CASK: variants seen among roughly 807,000 people sequenced by gnomAD.
CASK encodes peripheral plasma membrane protein CASK.
A neutral mutation model predicts 82.9 loss-of-function variants in CASK; 4 were observed. The observed-to-expected ratio is 0.05, with a 90% CI of 0.02 to 0.11. CASK has a LOEUF of 0.11. Among genes scored for constraint, CASK ranks in the 10% least tolerant of loss-of-function variants. The pLI is 1.00. For synonymous variants in CASK, 259 were observed against 253.5 expected (o/e 1.02, Z -0.20); for missense variants, 358 against 720.9 (o/e 0.50, Z 5.76).
Position 41,728,034 on chromosome X carries a change from T to C in CASK, c.429+11350A>G, listed in dbSNP as rs766739154. Reference sequence around the variant, plus strand: ...ATTCAGCACATATGCAATCATATGGTTGACTTTTGAATGGAAAACCCCACA... The same window carrying C: ...ATTCAGCACATATGCAATCATATGGCTGACTTTTGAATGGAAAACCCCACA... On this transcript the variant is annotated intron_variant, in intron 5 of 26. Transcript: ENST00000378163. The C allele has an allele frequency of 1.1e-5, 12 of 1,072,778 alleles. No individual in the cohort carries two copies. The East Asian group carries it at 3.5e-4, about 31-fold the overall frequency. The allele number at this position is 1,072,778 out of a possible 1,213,427, so 88.4% of individuals were successfully genotyped here.
At chrX:41,550,300 C>T (rs1032792714) in intron 21 of CASK, among the ~76,000 whole-genome samples, 1 of 111,781 alleles carries the variant, frequency 8.9e-6, no homozygotes, top group East Asian at 2.8e-4. Context: ...TTTTGCCTGG[C>T]TTCTTTCACT....
Position 41,569,751 on chromosome X carries a change from TA to T in CASK, c.1504-6del, listed in dbSNP as rs749321162. On this transcript the variant is annotated splice_polypyrimidine_tract_variant and splice_region_variant and intron_variant, in intron 15 of 26. Transcript: ENST00000378163. The stretch of plus-strand genomic sequence containing the variant: ...ATTCATTTTTAAAGTGATTCCCTGT[TA>T]AAAAAAAAATAAAAAGTTCAGCAAA... 1.9e-3 allele frequency: 1,837 copies of T among 983,595 alleles called. No individual in the cohort carries two copies. The highest frequency in any genetic ancestry group is 3.3e-3 in the Middle Eastern group (12 of 3,686). 81.1% of individuals were successfully genotyped at this position (983,595 alleles called of 1,213,427 possible). A position where few individuals can be genotyped will look rare whatever the true frequency, so the allele number is the denominator to read the frequency against.
intron 3 of CASK, among the ~76,000 whole-genome samples, chrX:41,749,051 G>A (rs1459200154): frequency 2.2e-4 from 24 of 111,219 alleles, no homozygotes; most frequent in Non-Finnish European, 5.7e-5. Flanking sequence ...TTGGGAGGCC[G>A]AGGCGGGCGG....
intron 3 of CASK, among the ~76,000 whole-genome samples, chrX:41,745,881 T>C (rs1398379221): frequency 9.0e-6 from 1 of 111,657 alleles, no homozygotes; most frequent in Non-Finnish European, 1.9e-5. Context: ...CTTTAGGTTT[T>C]CACAAAAAGA....
chrX:41,613,401 G>A (rs1249924696), intron 11 of CASK, among the ~76,000 whole-genome samples: 1 of 97,914 alleles, frequency 1.0e-5, no homozygotes, highest in African/African-American at 3.8e-5. Flanking sequence ...GGCGGTGCAA[G>A]ATGTGCTTTG....
At chrX:41,907,105 C>T (rs1388073724) in intron 1 of CASK, among the ~76,000 whole-genome samples, 1 of 112,322 alleles carries the variant, frequency 8.9e-6, no homozygotes, top group African/African-American at 3.2e-5. Context: ...CATTTCTAGT[C>T]TCAAACTCAC....
intron 1 of CASK, among the ~76,000 whole-genome samples, chrX:41,910,001 C>G (rs1486402863): frequency 8.9e-6 from 1 of 111,799 alleles, no homozygotes; most frequent in African/African-American, 3.2e-5. Context: ...GCAGGCAGAT[C>G]ACCTGAGCTC....
intron 1 of CASK, among the ~76,000 whole-genome samples, chrX:41,862,011 G>GTATGTATACATACA: frequency 9.6e-6 from 1 of 104,282 alleles, no homozygotes; most frequent in South Asian, 4.0e-4. Context: ...GTATACATAC[G>GTATGTATACATACA]TTATATATAA....
intron 15 of CASK, among the ~76,000 whole-genome samples, chrX:41,573,200 C>T (rs768659585): frequency 3.5e-4 from 36 of 104,289 alleles, no homozygotes; most frequent in African/African-American, 1.1e-3. Context: ...CCTCTGTCTC[C>T]CAATTTCTTT....
intron 1 of CASK, among the ~76,000 whole-genome samples, chrX:41,903,452 A>C (rs1382270381): frequency 2.7e-5 from 3 of 112,186 alleles, no homozygotes; most frequent in African/African-American, 9.7e-5. Context: ...TTATGTACCT[A>C]GGTTAGAAAT....
intron 2 of CASK, among the ~76,000 whole-genome samples, chrX:41,813,706 C>A (rs1354031480): frequency 9.0e-6 from 1 of 111,581 alleles, no homozygotes. Flanking sequence ...TCCAAAACAC[C>A]AAAAGCCATG....
At chrX:41,915,368 T>C (rs1386709303) in intron 1 of CASK, among the ~76,000 whole-genome samples, 2 of 112,539 alleles carry the variant, frequency 1.8e-5, no homozygotes, top group Non-Finnish European at 3.7e-5. Context: ...GATACATTGA[T>C]GGATATGACA....
intron 2 of CASK, among the ~76,000 whole-genome samples, chrX:41,818,835 C>T (rs189333612): frequency 3.4e-4 from 37 of 108,268 alleles, no homozygotes; most frequent in Non-Finnish European, 6.7e-4. Flanking sequence ...AAAGACAAGA[C>T]CAAAAAAAAA....
intron 3 of CASK, among the ~76,000 whole-genome samples, chrX:41,768,453 T>C (rs777519533): frequency 5.4e-4 from 60 of 110,984 alleles, no homozygotes; most frequent in African/African-American, 1.9e-3. Flanking sequence ...TATGTGTGCG[T>C]GTGTGTACAT....
At chrX:41,659,614 T>C (rs1398333692) in intron 8 of CASK, among the ~76,000 whole-genome samples, 1 of 111,823 alleles carries the variant, frequency 8.9e-6, no homozygotes, top group Non-Finnish European at 1.9e-5. Flanking sequence ...CTGTATAATG[T>C]TTTAATCAAA....
chrX:41,596,947 T>C (rs941154951), intron 12 of CASK, among the ~76,000 whole-genome samples: 1 of 112,586 alleles, frequency 8.9e-6, no homozygotes, highest in African/African-American at 3.2e-5. Context: ...TTGGTAGTGA[T>C]ATTAAATTCA....
At chrX:41,875,385 T>C (rs770829274) in intron 1 of CASK, among the ~76,000 whole-genome samples, 12 of 111,817 alleles carry the variant, frequency 1.1e-4, no homozygotes, top group Non-Finnish European at 2.3e-4. Context: ...ATTTTAGCTT[T>C]CTTCCTTTTC....
intron 11 of CASK, among the ~76,000 whole-genome samples, chrX:41,619,631 A>G (rs1366363289): frequency 8.9e-6 from 1 of 112,124 alleles, no homozygotes; most frequent in Non-Finnish European, 1.9e-5. Context: ...GTCTAGAATA[A>G]TCTCATTACG....
At chrX:41,641,048 T>C (rs1162810089) in intron 8 of CASK, among the ~76,000 whole-genome samples, 1 of 98,535 alleles carries the variant, frequency 1.0e-5, no homozygotes, top group Non-Finnish European at 2.0e-5. Context: ...TGCAGTAGCA[T>C]GATCTTGGCT....
Sources: gnomAD v4.1 joint callset for allele counts (sites outside exome capture counted in the v4.1 genomes callset) on GRCh38, gnomAD v4.1.1 for gene constraint, MANE v1.5 for transcripts, NCBI Gene and HGNC (gene_info 2026-07-23, HGNC 2026-07-21) for gene names.